Variants in FGF13 observed in about 807,000 individuals in gnomAD.
FGF13 encodes fibroblast growth factor homologous factor 2.
In FGF13, 2 loss-of-function variants were observed where a neutral mutation model predicts 19.5. The ratio of observed to expected loss-of-function variants is 0.10; its 90% CI spans 0.04 to 0.32. FGF13 has a LOEUF of 0.32. FGF13 is among the 10% of genes least tolerant of loss of function. FGF13 has a pLI of 1.00. For synonymous variants in FGF13, 72 were observed against 76.9 expected (o/e 0.94, Z 0.33); for missense variants, 113 against 192.7 (o/e 0.59, Z 2.45).
chrX:138,996,345 G>A (rs680051), intron 1 of FGF13, among the ~76,000 whole-genome samples: 103 of 112,644 alleles, frequency 9.1e-4, no homozygotes, highest in Middle Eastern at 4.6e-3. Flanking sequence ...CTTTTCCCAC[G>A]GTCTTTGCAA....
chrX:138,756,372 C>T (rs1303452813), intron 3 of FGF13, among the ~76,000 whole-genome samples: 1 of 112,106 alleles, frequency 8.9e-6, no homozygotes, highest in Non-Finnish European at 1.9e-5. Context: ...CTGGGAACTG[C>T]GGTGGGGGTG....
chrX:138,839,267 C>T (rs998670416), intron 3 of FGF13, among the ~76,000 whole-genome samples: 2 of 110,774 alleles, frequency 1.8e-5, no homozygotes, highest in Non-Finnish European at 3.8e-5. Flanking sequence ...TTCCCATCTC[C>T]CAGAATGGTA....
chrX:138,637,627 A>G (rs2124100390), intron 3 of FGF13, among the ~76,000 whole-genome samples: 1 of 112,098 alleles, frequency 8.9e-6, no homozygotes, highest in South Asian at 3.7e-4. Context: ...CTAAGGATCC[A>G]TTATGTAGTT....
Position 138,711,429 on chromosome X carries a change from C to T in FGF13, c.-426G>A. 1.5e-6 allele frequency: 1 copy of T among 648,219 alleles called. No individual in the cohort carries two copies. Among genetic ancestry groups the T allele is most frequent in the Non-Finnish European group, 1.8e-6 (1 of 553,755 alleles). 53.4% of individuals were successfully genotyped at this position (648,219 alleles called of 1,213,427 possible). ...ATGGGGGCCAGAGGAGGGAGGCGGG[C>T]GGAGGGAGTGAGCGCGGGCGGGAGA... On this transcript the variant is annotated 5_prime_UTR_variant, in exon 1 of 5. Transcript: ENST00000315930.
intron 3 of FGF13, among the ~76,000 whole-genome samples, chrX:138,749,860 G>A (rs1419536304): frequency 1.8e-5 from 2 of 111,894 alleles, no homozygotes; most frequent in African/African-American, 6.5e-5. Context: ...TTTATGCCAT[G>A]GGGAACCATG....
intron 1 of FGF13, among the ~76,000 whole-genome samples, chrX:139,033,697 C>A (rs1048572991): frequency 8.9e-6 from 1 of 111,854 alleles, no homozygotes; most frequent in Non-Finnish European, 1.9e-5. Context: ...TAACCCCTAA[C>A]TGTCTTATTT....
chrX:138,693,229 G>GC (rs2089857224), intron 3 of FGF13, among the ~76,000 whole-genome samples: 1 of 111,774 alleles, frequency 8.9e-6, no homozygotes, highest in Non-Finnish European at 1.9e-5. Context: ...TGTAGGAAAT[G>GC]TTTTTTGGCC....
At chrX:138,888,622 G>A (rs1198381106) in intron 1 of FGF13, among the ~76,000 whole-genome samples, 4 of 108,960 alleles carry the variant, frequency 3.7e-5, no homozygotes, top group African/African-American at 1.3e-4. Context: ...GAGAAGAGGT[G>A]TTGTCTTTGC....
chrX:139,204,396 C>A (rs1253911306), upstream of FGF13: 1 of 193,152 alleles, frequency 5.2e-6, no homozygotes, highest in Non-Finnish European at 9.4e-6. Flanking sequence ...AGTGAAGAGA[C>A]AAAGCGGCGC....
chrX:139,040,996 G>A (rs2092267306), intron 1 of FGF13, among the ~76,000 whole-genome samples: 1 of 96,731 alleles, frequency 1.0e-5, no homozygotes. Context: ...GTAAGTGGGA[G>A]TTGAATGATA....
intron 1 of FGF13, among the ~76,000 whole-genome samples, chrX:139,068,746 C>T (rs1368198670): frequency 9.9e-4 from 109 of 110,184 alleles, no homozygotes; most frequent in Non-Finnish European, 1.5e-3. Flanking sequence ...CTCTTTGAAG[C>T]AATTGTGAAT....
chrX:138,695,392 C>T (rs183413030), intron 3 of FGF13, among the ~76,000 whole-genome samples: 146 of 111,181 alleles, frequency 1.3e-3, no homozygotes, highest in Non-Finnish European at 2.2e-3. Flanking sequence ...GGATTCTCTA[C>T]GGAAGGAAAA....
At chrX:138,732,351 G>A (rs1413241801) in intron 1 of FGF13, among the ~76,000 whole-genome samples, 1 of 112,164 alleles carries the variant, frequency 8.9e-6, no homozygotes, top group Non-Finnish European at 1.9e-5. Context: ...ATCTCTGAAT[G>A]AGAGAATAGA....
rs189495908 is a variant in FGF13 at position 139,070,147 on chromosome X, A to G, written c.-113+133269T>C. 4.7e-3 allele frequency among the ~76,000 whole-genome samples: 523 copies of G among 112,096 alleles called. 2 individuals carry two copies. Among genetic ancestry groups the G allele is most frequent in the African/African-American group, 0.016 (498 of 30,885 alleles). ...TTGACAAGTGGGATCTAATTAAACTAAAGAGCTTCTGCACAGCAAAAGAAA... is the reference window on the plus strand; with the variant it reads ...TTGACAAGTGGGATCTAATTAAACTGAAGAGCTTCTGCACAGCAAAAGAAA... On this transcript the variant is annotated intron_variant, in intron 1 of 2. Transcript: ENST00000421460.
intron 2 of FGF13, among the ~76,000 whole-genome samples, chrX:138,864,025 A>G (rs1368966714): frequency 1.8e-5 from 2 of 111,799 alleles, no homozygotes; most frequent in Non-Finnish European, 3.8e-5. Flanking sequence ...GCCTCTACTC[A>G]CTAGATGCCA....
At position 139,114,302 on chromosome X, in the gene FGF13, C is replaced by T. The variant is rs188957913; in HGVS notation, c.-113+89114G>A. Among the ~76,000 whole-genome samples, 561 of 112,375 alleles carry T rather than the reference C, an allele frequency of 5.0e-3. 9 individuals carry two copies. Among genetic ancestry groups the T allele is most frequent in the Admixed American group, 0.045 (481 of 10,575 alleles). ...ACAAAATACATGAATCAGGAGGCAACTGTTCAAACACACGGATAGACTCAA... is the reference window on the plus strand; with the variant it reads ...ACAAAATACATGAATCAGGAGGCAATTGTTCAAACACACGGATAGACTCAA... On this transcript the variant is annotated intron_variant, in intron 1 of 2. Coordinates refer to the FGF13 transcript ENST00000421460.
rs189359830 is a variant in FGF13, at chrX:138,799,002, A to C, written c.217+58510T>G. On this transcript the variant is annotated intron_variant, in intron 3 of 6. Transcript: ENST00000436198. ...GTCCATCTATTTTGTTATTCTTTTC[A>C]AAAAACCACCTCCTGGATTCATTGA... 9.0e-5 allele frequency among the ~76,000 whole-genome samples: 10 copies of C among 111,450 alleles called. No individual in the cohort carries two copies. The East Asian group carries it at 2.8e-3, about 32-fold the overall frequency.
At chrX:138,753,668 A>G (rs2090412631) in intron 3 of FGF13, among the ~76,000 whole-genome samples, 1 of 112,112 alleles carries the variant, frequency 8.9e-6, no homozygotes. Flanking sequence ...TGTTTCTTTT[A>G]TGAAATGCCT....
intron 1 of FGF13, among the ~76,000 whole-genome samples, chrX:139,152,013 T>C (rs1298394968): frequency 3.6e-5 from 4 of 110,854 alleles, no homozygotes; most frequent in African/African-American, 1.3e-4. Flanking sequence ...GGAGCAATAA[T>C]GAAAAATAAA....
Sources: gnomAD v4.1 joint callset for allele counts (sites outside exome capture counted in the v4.1 genomes callset) on GRCh38, gnomAD v4.1.1 for gene constraint, MANE v1.5 for transcripts, NCBI Gene and HGNC (gene_info 2026-07-23, HGNC 2026-07-21) for gene names.